The following CEP250 variants were observed in gnomAD, a reference collection of about 807,000 sequenced individuals.
CEP250 encodes the protein centrosome-associated protein CEP250.
In CEP250, 242 loss-of-function variants were observed where a neutral mutation model predicts 315.7. The observed-to-expected ratio is 0.77, with a 90% confidence interval of 0.69 to 0.85. The LOEUF is 0.85. Ranked by LOEUF, CEP250 falls within the 40% of genes least tolerant of loss-of-function variation. The probability of loss-of-function intolerance (pLI) is 0.00; values close to 1 mark genes in which losing one functional copy is unlikely to be tolerated. For missense variants in CEP250, 2,515 were observed against 2,886.4 expected, an observed-to-expected ratio of 0.87 and a Z score of 2.95; for synonymous variants, 1,088 against 1,175.0, an observed-to-expected ratio of 0.93 and a Z score of 1.51.
In CEP250 at chr20:35,507,592, G is replaced by A. The variant is rs191587885; in HGVS notation, c.6637-146G>A. 7.7e-5 allele frequency: 52 copies of A among 671,970 alleles called. No homozygotes were observed. In the East Asian group the frequency reaches 1.4e-3, roughly 19 times the overall value. 41.6% of individuals were successfully genotyped at this position (671,970 alleles called of 1,614,324 possible). On this transcript the variant is annotated intron_variant, in intron 30 of 34. Transcript: ENST00000397527. ...TGTTTTACCTATCTGTAAAATGAAG[G>A]TTCTGTACTAGAATGACTCAGAGCC...
chr20:35,489,192 A>G (rs1049685739), intron 20 of CEP250, among the ~76,000 whole-genome samples: 1 of 151,800 alleles, frequency 6.6e-6, no homozygotes, highest in African/African-American at 2.4e-5. Flanking sequence ...TGTCTCAAAA[A>G]AAAAAAAAAA....
At chr20:35,474,168 G>T (rs2063106304) in intron 14 of CEP250, 116 bp downstream of exon 14, 3 of 843,056 alleles carry the variant, frequency 3.6e-6, no homozygotes, top group African/African-American at 1.8e-5. Context: ...CATGCAGTGG[G>T]TTCAGATTAG....
At chr20:35,465,883 T>C (rs2146705491) in intron 6 of CEP250, 58 bp downstream of exon 6, 1 of 1,541,958 alleles carries the variant, frequency 6.5e-7, no homozygotes, top group Non-Finnish European at 8.8e-7. Context: ...AGAAGGCTGA[T>C]GGGAAACTTC....
At chr20:35,485,645 CTTTTTTTTTTTT>C (rs782622070) in intron 20 of CEP250, among the ~76,000 whole-genome samples, 865 of 33,832 alleles carry the variant, frequency 0.026, 21 homozygotes, top group African/African-American at 0.098. Context: ...GTCTGCCTGG[CTTTTTTTTTTTT>C]TTTTTTTTTT....
At chr20:35,465,999 A>G (rs990022541) in intron 6 of CEP250, 40 bp from the exon 7 acceptor site, 6 of 1,611,378 alleles carry the variant, frequency 3.7e-6, no homozygotes, top group South Asian at 1.1e-5. Context: ...GTTGGACTAG[A>G]CCTTTATTTT....
intron 20 of CEP250, among the ~76,000 whole-genome samples, chr20:35,485,097 G>A (rs957973216): frequency 2.0e-5 from 3 of 150,850 alleles, no homozygotes; most frequent in East Asian, 1.9e-4. Context: ...TAAAGGCTGG[G>A]CGCAGTGGCT....
rs1332517269 is a variant in CEP250, at chr20:35,508,984, T to G, written c.6948T>G (p.Arg2316=). The change falls in exon 33 of 35, where the codon CGT becomes CGG. Residue 2316 remains arginine, a synonymous_variant. Coordinates refer to ENST00000397527, the MANE Select transcript of CEP250 (RefSeq NM_007186.6). ...ERRKLKREAM[R]AAQAGSLEIS... ...GGAAGCTGAAGAGGGAGGCCATGCG[T>G]GCGGCCCAGGCAGGGTCCCTAGAGA... 1 of 1,558,320 alleles carries G rather than the reference T, an allele frequency of 6.4e-7. No homozygotes were observed.
Position 35,467,486 on chromosome 20 carries a change from A to G in CEP250, c.782A>G (p.His261Arg), listed in dbSNP as rs1323027264. Residue 261 changes from histidine (H) to arginine (R), a missense_variant, in exon 9 of 35, where the codon CAT becomes CGT. Physicochemically the swap from His to Arg is conservative, Grantham distance 29. Transcript: ENST00000397527. ...AKTQELEKEA[H>R]ERSQELIQLK... ...ACCCAGGAGCTGGAGAAGGAAGCCCATGAAAGGAGCCAGGAGTTAATACAG... is the reference window on the plus strand; with the variant it reads ...ACCCAGGAGCTGGAGAAGGAAGCCCGTGAAAGGAGCCAGGAGTTAATACAG... The G allele has an allele frequency of 6.2e-7, 1 of 1,614,192 alleles. No homozygotes were observed. Among genetic ancestry groups the G allele is most frequent in the East Asian group, 2.2e-5 (1 of 44,888 alleles).
In CEP250 at chr20:35,472,075, A is replaced by T. The variant is rs1291028224; in HGVS notation, c.974A>T (p.Glu325Val). ...GAGACAAATCACACAGAATTAATGGAACATGAAGCATCTCTTAGTAGGAAT... is the reference window on the plus strand; with the variant it reads ...GAGACAAATCACACAGAATTAATGGTACATGAAGCATCTCTTAGTAGGAAT... ...ILETNHTELMEHEASLSRNAQ... is the reference protein window; with the variant it reads ...ILETNHTELMVHEASLSRNAQ... The change falls in exon 11 of 35, where the codon GAA (glutamate) becomes GTA (valine). Residue 325 changes from glutamate (E) to valine (V), a missense_variant. Coordinates refer to ENST00000397527, the MANE Select transcript of CEP250 (RefSeq NM_007186.6). The T allele has an allele frequency of 5.0e-6, 8 of 1,611,530 alleles. No homozygotes were observed. Among genetic ancestry groups the T allele is most frequent in the Non-Finnish European group, 6.8e-6 (8 of 1,177,704 alleles).
At chr20:35,493,122 C>T (rs982277403) in intron 22 of CEP250, among the ~76,000 whole-genome samples, 1 of 151,978 alleles carries the variant, frequency 6.6e-6, no homozygotes, top group Non-Finnish European at 1.5e-5. Flanking sequence ...ATTCTCTACT[C>T]TCCTGAGTAG....
chr20:35,478,084 CAAAAG>C lies in CEP250; in HGVS notation c.2081_2085del (p.Lys694ThrfsTer3). 6.2e-7 allele frequency: 1 copy of C among 1,613,400 alleles called. No individual in the cohort carries two copies. Among genetic ancestry groups the C allele is most frequent in the Non-Finnish European group, 8.5e-7 (1 of 1,179,612 alleles). On this transcript the variant is annotated frameshift_variant, in exon 17 of 35. Coordinates refer to ENST00000397527, the MANE Select transcript of CEP250 (RefSeq NM_007186.6). LOFTEE classifies it high-confidence loss of function. ...CATCCAAGAAGAGAAGGAAGAAATT[CAAAAG>C]AAACTAAGTGAGGTGAGAAGCCAAA...
chr20:35,500,347 A>G (rs1601285814), intron 28 of CEP250, among the ~76,000 whole-genome samples, 178 bp downstream of exon 28: 1 of 152,122 alleles, frequency 6.6e-6, no homozygotes, highest in Non-Finnish European at 1.5e-5. Flanking sequence ...GCTGCAACCT[A>G]TGTCTTCCGA....
rs769497701 is a variant in CEP250, at chr20:35,467,070, C to G, written c.597C>G (p.Asp199Glu). Reference protein sequence around the residue: ...RHFLEMKSATDRDLMELKAEH... With the variant: ...RHFLEMKSATERDLMELKAEH... ...TCCTGGAAATGAAGTCAGCTACTGA[C>G]AGGTCAGTGTGGGGAGAAGAAGGGA... Residue 199 changes from aspartate to glutamate, a missense_variant and splice_region_variant, in exon 8 of 35, where the codon GAC becomes GAG. Physicochemically the swap from Asp to Glu is conservative, Grantham distance 45. Coordinates refer to ENST00000397527, the MANE Select transcript of CEP250 (RefSeq NM_007186.6). 3 of 1,596,794 alleles carry G rather than the reference C, an allele frequency of 1.9e-6. No individual in the cohort carries two copies. Among genetic ancestry groups the G allele is most frequent in the South Asian group, 1.1e-5 (1 of 90,792 alleles).
chr20:35,465,613 A>G (rs914535018), intron 5 of CEP250, 130 bp from the exon 6 acceptor site: 20 of 636,764 alleles, frequency 3.1e-5, no homozygotes, highest in Non-Finnish European at 5.4e-5. Context: ...GATTGAGAAT[A>G]GAAGCATATT....
rs933523233 is a variant in CEP250 at position 35,465,738 on chromosome 20, C to T, written c.244-5C>T. On this transcript the variant is annotated splice_polypyrimidine_tract_variant and splice_region_variant and intron_variant, in intron 5 of 34. Transcript: ENST00000397527. ...GTAAGTAAGGCTTGTCTCTGTCTGG[C>T]GCAGGGACCAATCCCCCAGAGGTGG... 11 of 1,589,948 alleles carry T rather than the reference C, an allele frequency of 6.9e-6. No individual in the cohort carries two copies. The highest frequency in any genetic ancestry group is 2.3e-5 in the South Asian group (2 of 86,360).
intron 2 of CEP250, among the ~76,000 whole-genome samples, chr20:35,459,513 G>A (rs1052682602): frequency 6.6e-6 from 1 of 152,024 alleles, no homozygotes; most frequent in Non-Finnish European, 1.5e-5. Flanking sequence ...TGGGCTTGGT[G>A]GCTCACACCT....
At chr20:35,477,847 C>G in intron 16 of CEP250, 24 bp from the exon 17 acceptor site, 16 of 1,538,946 alleles carry the variant, frequency 1.0e-5, no homozygotes, top group Non-Finnish European at 1.4e-5. Context: ...GATGCTTGTA[C>G]TCCCTTCCCT....
chr20:35,463,789 A>G (rs1188852912), intron 5 of CEP250, among the ~76,000 whole-genome samples, 158 bp downstream of exon 5: 4 of 152,240 alleles, frequency 2.6e-5, no homozygotes, highest in Non-Finnish European at 5.9e-5. Context: ...TGATATCTTC[A>G]TTGGACCTAG....
chr20:35,490,723 A>G lies in CEP250; in HGVS notation c.2673A>G (p.Leu891=). Residue 891 remains leucine, a synonymous_variant, in exon 21 of 35, where the codon CTA becomes CTG. Transcript: ENST00000397527. ...EREKMELEMR[L]KEQQTEMEAI... is the part of the protein sequence containing the mutation. ...AAAAAATGGAGCTGGAAATGAGGCT[A>G]AAGGAGCAGCAGACAGAAATGGAGG... is the stretch of plus-strand genomic sequence containing the variant. 6.2e-7 allele frequency: 1 copy of G among 1,614,008 alleles called. No individual in the cohort carries two copies.
Sources: gnomAD v4.1 joint callset for allele counts (sites outside exome capture counted in the v4.1 genomes callset) on GRCh38, gnomAD v4.1.1 for gene constraint, MANE v1.5 for transcripts, NCBI Gene and HGNC (gene_info 2026-07-23, HGNC 2026-07-21) for gene names.